PXK: variants seen among roughly 807,000 people sequenced by gnomAD.
The protein encoded by PXK is PX domain containing serine/threonine kinase like.
A neutral mutation model predicts 84.7 loss-of-function variants in PXK; 35 were observed. That is an observed-to-expected ratio of 0.41 (90% CI 0.32 to 0.55). PXK has a LOEUF of 0.55. PXK is among the 20% of genes least tolerant of loss of function. The pLI, the probability that PXK is intolerant of heterozygous loss-of-function variation, is 0.21. For synonymous variants in PXK, 253 were observed against 260.8 expected (o/e 0.97, Z 0.29); for missense variants, 634 against 699.7 (o/e 0.91, Z 1.06).
intron 7 of PXK, among the ~76,000 whole-genome samples, chr3:58,392,265 A>G (rs2098638793): frequency 6.6e-6 from 1 of 152,232 alleles, no homozygotes; most frequent in African/African-American, 2.4e-5. Context: ...CTACCTTCAC[A>G]GGCTAACCAG....
chr3:58,422,210 C>T (rs932139875), intron 17 of PXK: 1 of 985,292 alleles, frequency 1.0e-6, no homozygotes, highest in African/African-American at 1.7e-5. Context: ...CTGAGTGAGA[C>T]CGAGTCCCAG....
chr3:58,371,677 C>G (rs2098373569), intron 3 of PXK, among the ~76,000 whole-genome samples: 1 of 152,172 alleles, frequency 6.6e-6, no homozygotes, highest in African/African-American at 2.4e-5. Context: ...CAACTCTTCA[C>G]TTATGGCCTT....
At chr3:58,422,001 G>A in intron 17 of PXK, 1 of 985,416 alleles carries the variant, frequency 1.0e-6, no homozygotes, top group Non-Finnish European at 1.2e-6. Flanking sequence ...GAGGGGTGGA[G>A]AGCGCGCAGG....
In PXK at chr3:58,416,777, C is replaced by T. The variant is rs1311684185; in HGVS notation, c.1528+3814C>T. On this transcript the variant is annotated intron_variant, in intron 17 of 17. Coordinates refer to ENST00000356151, the MANE Select transcript of PXK (RefSeq NM_017771.5). The surrounding 1 kb of genome is among the most constrained non-coding windows in gnomAD (Gnocchi z 4.8). ...CTGGGATTATAGGCACTCACCACCA[C>T]GCTTGGCTAATATTTTTGTATTTTT... Among the ~76,000 whole-genome samples the T allele has an allele frequency of 3.3e-5, 5 of 152,112 alleles. No individual in the cohort carries two copies. Among genetic ancestry groups the T allele is most frequent in the South Asian group, 2.1e-4 (1 of 4,822 alleles).
intron 17 of PXK, among the ~76,000 whole-genome samples, chr3:58,418,127 TA>T (rs1405890686): frequency 6.6e-6 from 1 of 152,150 alleles, no homozygotes; most frequent in Non-Finnish European, 1.5e-5. Context: ...GCCCTTTTTT[TA>T]AAAAATGGGT....
At chr3:58,396,685 A>G (rs1476391702) in intron 9 of PXK, among the ~76,000 whole-genome samples, 1 of 152,242 alleles carries the variant, frequency 6.6e-6, no homozygotes, top group African/African-American at 2.4e-5. Context: ...TCACTCATCT[A>G]TGCAGGAGGA....
chr3:58,366,353 T>C (rs1262849138), intron 2 of PXK, among the ~76,000 whole-genome samples: 3 of 152,194 alleles, frequency 2.0e-5, no homozygotes, highest in Non-Finnish European at 4.4e-5. Flanking sequence ...GGGCAGCTTC[T>C]GGTGCTAGCT....
At chr3:58,420,130 T>A (rs1386496746) in intron 17 of PXK, among the ~76,000 whole-genome samples, 1 of 152,226 alleles carries the variant, frequency 6.6e-6, no homozygotes, top group East Asian at 1.9e-4. Context: ...TGATCAACTG[T>A]CCTTGTTTAA....
At chr3:58,340,729 A>G (rs1340583256) in intron 1 of PXK, among the ~76,000 whole-genome samples, 2 of 151,986 alleles carry the variant, frequency 1.3e-5, no homozygotes, top group Non-Finnish European at 2.9e-5. Flanking sequence ...CTGTCTCAAA[A>G]AAAAAAAAAG....
At chr3:58,423,323 TC>T (rs2062230878) in intron 17 of PXK, 1 of 1,442,614 alleles carries the variant, frequency 6.9e-7, no homozygotes, top group African/African-American at 1.4e-5. Flanking sequence ...ACAATTTCAT[TC>T]ATCAGTTGTT....
chr3:58,353,205 G>A (rs1392321246), intron 1 of PXK, among the ~76,000 whole-genome samples: 2 of 152,100 alleles, frequency 1.3e-5, no homozygotes, highest in African/African-American at 2.4e-5. Flanking sequence ...CACCGTGTTA[G>A]CCAGAATGGT....
At chr3:58,388,306 T>C (rs2098583653) in intron 4 of PXK, among the ~76,000 whole-genome samples, 1 of 152,228 alleles carries the variant, frequency 6.6e-6, no homozygotes. Flanking sequence ...CCTAAAACAA[T>C]GTATGGCACA....
chr3:58,404,999 A>T (rs2059167948), intron 13 of PXK, among the ~76,000 whole-genome samples: 1 of 152,192 alleles, frequency 6.6e-6, no homozygotes, highest in South Asian at 2.1e-4. Context: ...CTTGTCAATA[A>T]ATATATTCTC....
At chr3:58,410,187 C>T (rs1340496894) in intron 16 of PXK, 28 bp downstream of exon 16, 8 of 1,505,428 alleles carry the variant, frequency 5.3e-6, no homozygotes, top group Non-Finnish European at 9.2e-7. Flanking sequence ...GTAGTGGGGC[C>T]CAGGACACAG....
At position 58,409,356 on chromosome 3, in the gene PXK, C is replaced by T. The variant is rs1486399260; in HGVS notation, c.1309-176C>T. 6.6e-6 allele frequency among the ~76,000 whole-genome samples: 1 copy of T among 152,198 alleles called. No individual in the cohort carries two copies. Among genetic ancestry groups the T allele is most frequent in the Non-Finnish European group, 1.5e-5 (1 of 68,044 alleles). The stretch of plus-strand genomic sequence containing the variant: ...TTAGGGGCATGAGAAAGGACCTCTT[C>T]CTTTGGCATACTCCTCTACCTGGCA... On this transcript the variant is annotated intron_variant, in intron 14 of 17. Transcript: ENST00000356151. This position sits in a 1 kb window ranked among gnomAD's most constrained non-coding sequence, Gnocchi z 4.2.
At chr3:58,388,831 G>A (rs1456312100) in intron 4 of PXK, among the ~76,000 whole-genome samples, 1 of 152,102 alleles carries the variant, frequency 6.6e-6, no homozygotes, top group Non-Finnish European at 1.5e-5. Flanking sequence ...CTTGACATGT[G>A]AATTCTAAAC....
Position 58,408,989 on chromosome 3 carries a change from G to A in PXK, c.1296G>A (p.Glu432=). Residue 432 remains glutamate (E), a synonymous_variant, in exon 14 of 18, where the codon GAG becomes GAA. Coordinates refer to ENST00000356151, the MANE Select transcript of PXK (RefSeq NM_017771.5). ...AATGTATAGAGAAGAGACTAATTGA[G>A]GAACAGAAACAGGTAAATTGATAAC... ...AKECIEKRLI[E]EQKQIHQHRR... is the part of the protein sequence containing the mutation. 2 of 1,583,148 alleles carry A rather than the reference G, an allele frequency of 1.3e-6. No homozygotes were observed. The highest frequency in any genetic ancestry group is 1.1e-5 in the South Asian group (1 of 90,284).
chr3:58,378,763 C>T (rs1235547928), intron 3 of PXK, among the ~76,000 whole-genome samples: 5 of 151,664 alleles, frequency 3.3e-5, no homozygotes, highest in East Asian at 3.9e-4. Context: ...CTCAAACTCC[C>T]GACTTCAGGT....
At chr3:58,335,148 T>C (rs1385325183) in intron 1 of PXK, among the ~76,000 whole-genome samples, 1 of 152,052 alleles carries the variant, frequency 6.6e-6, no homozygotes, top group Non-Finnish European at 1.5e-5. Flanking sequence ...AGTGCTGGTA[T>C]ACAGATGTGA....
Sources: allele counts gnomAD v4.1 joint callset (sites outside exome capture counted in the v4.1 genomes callset), GRCh38; gene constraint gnomAD v4.1.1; non-coding constraint Gnocchi (gnomAD v3.1); transcripts MANE v1.5; gene names NCBI Gene and HGNC (gene_info 2026-07-23, HGNC 2026-07-21).